The following PIK3C2G variants were observed in gnomAD, a reference collection of about 807,000 sequenced individuals.
PIK3C2G encodes phosphatidylinositol-4-phosphate 3-kinase catalytic subunit type 2 gamma, also known as phosphatidylinositol 3-kinase C2 domain-containing subunit gamma.
A neutral mutation model predicts 181.1 loss-of-function variants in PIK3C2G; 168 were observed. That is an observed-to-expected ratio of 0.93 (90% CI 0.82 to 1.05). The LOEUF (loss-of-function observed/expected upper bound fraction) is 1.05, where lower values mean the gene tolerates loss of function less well. PIK3C2G is among the 50% of genes least tolerant of loss of function. The pLI is 0.00. For missense variants in PIK3C2G, 1,869 were observed against 1,732.8 expected, an observed-to-expected ratio of 1.08 and a Z score of -1.40; for synonymous variants, 573 against 592.2, an observed-to-expected ratio of 0.97 and a Z score of 0.47.
At chr12:18,586,386 G>A (rs1190731730) in intron 29 of PIK3C2G, among the ~76,000 whole-genome samples, 2 of 152,044 alleles carry the variant, frequency 1.3e-5, no homozygotes, top group Non-Finnish European at 2.9e-5. Context: ...AAATGACAAA[G>A]GGGACATTAC....
In PIK3C2G at chr12:18,567,038, T is replaced by G. The variant is rs12099555; in HGVS notation, c.3992T>G (p.Val1331Gly). ...CATTACATGGAACAGATATTAAATG[T>G]ATCACATGAAGTTACAAACGTATGT... ...LNHYMEQILN[V>G]SHEVTNSDCV... The change falls in exon 29 of 33, where the codon GTA becomes GGA. Residue 1331 changes from valine (V) to glycine (G), a missense_variant. Physicochemically the swap from Val to Gly is moderately radical, Grantham distance 109 (BLOSUM62 -3). Transcript: ENST00000538779. 0.028 allele frequency: 40,965 copies of G among 1,446,218 alleles called. 2,546 individuals are homozygous for G. Among genetic ancestry groups the G allele is most frequent in the African/African-American group, 0.25 (17,668 of 70,534 alleles). 89.6% of individuals were successfully genotyped at this position (1,446,218 alleles called of 1,614,324 possible). A position where few individuals can be genotyped will look rare whatever the true frequency, so the allele number is the denominator to read the frequency against.
At chr12:18,294,660 T>G (rs535715377) in intron 5 of PIK3C2G, among the ~76,000 whole-genome samples, 116 of 152,128 alleles carry the variant, frequency 7.6e-4, no homozygotes, top group African/African-American at 2.3e-3. Flanking sequence ...TGCCTGAAAT[T>G]CCTACAGACC....
chr12:18,696,019 T>C, the PIK3C2G span: 1 of 571,016 alleles, frequency 1.8e-6, no homozygotes, highest in South Asian at 1.8e-5. Flanking sequence ...CCACCATTAG[T>C]GCCTGACCCC....
At chr12:18,700,009 T>C in the PIK3C2G span, 1 of 1,463,506 alleles carries the variant, frequency 6.8e-7, no homozygotes, top group Non-Finnish European at 9.4e-7. Context: ...AAAAAAATTT[T>C]TTCTAGTAAA....
chr12:18,392,175 G>C (rs1943578977), intron 15 of PIK3C2G, among the ~76,000 whole-genome samples: 3 of 152,044 alleles, frequency 2.0e-5, no homozygotes, highest in Admixed American at 2.0e-4. Flanking sequence ...ACATATTTTG[G>C]CAGTTGAGAA....
chr12:18,602,278 A>G, intron 30 of PIK3C2G, among the ~76,000 whole-genome samples: 1 of 151,884 alleles, frequency 6.6e-6, no homozygotes, highest in Admixed American at 6.6e-5. Context: ...CTTCCCTGAC[A>G]ACATGCATGA....
At position 18,428,743 on chromosome 12, in the gene PIK3C2G, C is replaced by A. The variant is rs189717319; in HGVS notation, c.2504+4704C>A. 4.3e-3 allele frequency among the ~76,000 whole-genome samples: 651 copies of A among 152,220 alleles called. 1 individual carries two copies. Among genetic ancestry groups the A allele is most frequent in the Middle Eastern group, 0.024 (7 of 294 alleles). ...GGAAGAGTGAATGTAGGATGAATAG[C>A]CCCTATTTTCCAAGGCAAGTGAGTT... On this transcript the variant is annotated intron_variant, in intron 18 of 32. Transcript: ENST00000538779.
the PIK3C2G span, among the ~76,000 whole-genome samples, chr12:18,715,189 GA>G: frequency 2.2e-4 from 4 of 18,146 alleles, no homozygotes; most frequent in Non-Finnish European, 6.5e-4. Context: ...GGGGCGGAGG[GA>G]GGGAGAGAGA....
chr12:18,580,131 C>CAAAAA (rs34226663), intron 29 of PIK3C2G, among the ~76,000 whole-genome samples: 5 of 106,350 alleles, frequency 4.7e-5, no homozygotes, highest in African/African-American at 7.2e-5. Context: ...GACTCTGTCT[C>CAAAAA]AAAAAAAAAA....
intron 31 of PIK3C2G, among the ~76,000 whole-genome samples, chr12:18,638,393 T>C (rs908228925): frequency 6.6e-6 from 1 of 152,088 alleles, no homozygotes; most frequent in Non-Finnish European, 1.5e-5. Context: ...CATCAGAATT[T>C]AGGAGCTCCA....
chr12:18,300,183 CTT>C (rs1950115311), intron 5 of PIK3C2G, among the ~76,000 whole-genome samples: 1 of 151,856 alleles, frequency 6.6e-6, no homozygotes, highest in African/African-American at 2.4e-5. Flanking sequence ...TGCTGAGAGA[CTT>C]TTTATTACTG....
chr12:18,715,018 G>A, the PIK3C2G span: 3 of 151,846 alleles, frequency 2.0e-5, no homozygotes, highest in African/African-American at 7.3e-5. Context: ...TTTAGATTTA[G>A]TTCTTCTTTG....
At chr12:18,659,736 A>G in the PIK3C2G span, among the ~76,000 whole-genome samples, 9 of 148,476 alleles carry the variant, frequency 6.1e-5, no homozygotes, top group African/African-American at 2.2e-4. Context: ...AGGTTTGTTA[A>G]ATATGTATAC....
chr12:18,502,429 A>G (rs891188220), intron 22 of PIK3C2G, among the ~76,000 whole-genome samples: 15 of 152,142 alleles, frequency 9.9e-5, no homozygotes, highest in Admixed American at 9.2e-4. Flanking sequence ...AACTCCTGCA[A>G]TTGTCGAGAC....
At chr12:18,423,295 T>C (rs1234591841) in intron 17 of PIK3C2G, among the ~76,000 whole-genome samples, 1 of 152,020 alleles carries the variant, frequency 6.6e-6, no homozygotes, top group African/African-American at 2.4e-5. Context: ...GGGATGATGA[T>C]AGCAGCTCAG....
chr12:18,436,956 G>T (rs893199666), intron 18 of PIK3C2G, among the ~76,000 whole-genome samples: 1 of 151,878 alleles, frequency 6.6e-6, no homozygotes, highest in Non-Finnish European at 1.5e-5. Context: ...TTTCTGGGGA[G>T]GCCTTGTTAA....
chr12:18,336,688 C>T (rs1025669390), intron 8 of PIK3C2G, among the ~76,000 whole-genome samples: 41 of 151,570 alleles, frequency 2.7e-4, no homozygotes, highest in Admixed American at 2.4e-3. Flanking sequence ...TATTATTGAG[C>T]GGATGTATTT....
rs149666386 is a variant in PIK3C2G at position 18,340,490 on chromosome 12, G to A, written c.1395+1942G>A. The stretch of plus-strand genomic sequence containing the variant: ...CTTATAAACTTGGCAATTATATGAT[G>A]CTGAAAAAGGGCTTTCTAATTGGTG... On this transcript the variant is annotated intron_variant, in intron 9 of 32. Transcript: ENST00000538779. 5.9e-3 allele frequency among the ~76,000 whole-genome samples: 901 copies of A among 152,238 alleles called. 8 individuals are homozygous for A. The highest frequency in any genetic ancestry group is 9.2e-3 in the Non-Finnish European group (626 of 68,008).
chr12:18,528,112 T>C (rs989203989), intron 24 of PIK3C2G, among the ~76,000 whole-genome samples: 1 of 152,176 alleles, frequency 6.6e-6, no homozygotes, highest in African/African-American at 2.4e-5. Flanking sequence ...ATGTGAGGTT[T>C]TCTGTGTTGC....
Sources: allele counts gnomAD v4.1 joint callset (sites outside exome capture counted in the v4.1 genomes callset), GRCh38; gene constraint gnomAD v4.1.1; transcripts MANE v1.5; gene names NCBI Gene and HGNC (gene_info 2026-07-23, HGNC 2026-07-21).